The following DUSP16 variants were observed in gnomAD, a reference collection of about 807,000 sequenced individuals.
DUSP16 encodes dual specificity protein phosphatase 16.
DUSP16 carries 21 observed loss-of-function variants against 58.3 expected under a neutral mutation model. That is an observed-to-expected ratio of 0.36 (90% CI 0.26 to 0.52). DUSP16 has a LOEUF of 0.52. DUSP16 is among the 20% of genes least tolerant of loss of function. The pLI, the probability that DUSP16 is intolerant of heterozygous loss-of-function variation, is 0.94. For missense variants in DUSP16, 726 were observed against 819.0 expected (o/e 0.89, Z 1.39); for synonymous variants, 320 against 323.8 (o/e 0.99, Z 0.12).
At chr12:12,512,879 A>G (rs1352401648) in intron 3 of DUSP16, among the ~76,000 whole-genome samples, 2 of 152,200 alleles carry the variant, frequency 1.3e-5, no homozygotes, top group East Asian at 1.9e-4. Flanking sequence ...CTCCAGACAA[A>G]GGAGAAGAAA....
intron 4 of DUSP16, among the ~76,000 whole-genome samples, chr12:12,489,428 T>C (rs1000070796): frequency 3.9e-5 from 6 of 152,250 alleles, no homozygotes; most frequent in African/African-American, 1.4e-4. Flanking sequence ...GGATCACTCA[T>C]GTAAGAACAG....
At chr12:12,539,854 C>A (rs1000002329) in intron 1 of DUSP16, among the ~76,000 whole-genome samples, 20 of 151,660 alleles carry the variant, frequency 1.3e-4, no homozygotes, top group Admixed American at 4.6e-4. Flanking sequence ...AGTTCAAGAC[C>A]AGCCTGACCA....
chr12:12,477,074 T>G lies in DUSP16; in HGVS notation c.1757A>C (p.Gln586Pro), dbSNP rs1490902737. Residue 586 changes from glutamine (Q) to proline (P), a missense_variant, in exon 7 of 7, where the codon CAG becomes CCG. Physicochemically the swap from Gln to Pro is moderately conservative, Grantham distance 76. Transcript: ENST00000298573. The surrounding 1 kb of genome is among the most constrained non-coding windows in gnomAD (Gnocchi z 4.1). Reference sequence around the variant, plus strand: ...GACTTGGTCTCCGCAAGTGGGCAGCTGGCTGCAGCTGTAGGCAGAGTAACT... The same window carrying G: ...GACTTGGTCTCCGCAAGTGGGCAGCGGGCTGCAGCTGTAGGCAGAGTAACT... ...SASYSAYSCS[Q>P]LPTCGDQVYS... 6.2e-7 allele frequency: 1 copy of G among 1,614,264 alleles called. No homozygotes were observed. The highest frequency in any genetic ancestry group is 8.5e-7 in the Non-Finnish European group (1 of 1,180,050).
At chr12:12,496,895 C>T (rs1414677421) in intron 4 of DUSP16, among the ~76,000 whole-genome samples, 4 of 152,188 alleles carry the variant, frequency 2.6e-5, no homozygotes, top group African/African-American at 4.8e-5. Flanking sequence ...TTTTTGGTAC[C>T]GATGACCTCT....
At chr12:12,535,136 AGGAC>A (rs1246510986) in intron 1 of DUSP16, among the ~76,000 whole-genome samples, 2 of 152,236 alleles carry the variant, frequency 1.3e-5, no homozygotes, top group Non-Finnish European at 2.9e-5. Context: ...CTGGCACATT[AGGAC>A]GGACACCTGT....
At chr12:12,525,731 TACACACACAC>T (rs35552389) in intron 1 of DUSP16, among the ~76,000 whole-genome samples, 53 of 146,080 alleles carry the variant, frequency 3.6e-4, no homozygotes, top group African/African-American at 1.0e-4. Context: ...AATATATGTA[TACACACACAC>T]ACACACACAC....
At chr12:12,483,714 G>A (rs1016623147) in intron 5 of DUSP16, among the ~76,000 whole-genome samples, 1 of 151,968 alleles carries the variant, frequency 6.6e-6, no homozygotes, top group African/African-American at 2.4e-5. Flanking sequence ...TGGGTTTGGG[G>A]GCACCTCATG....
chr12:12,549,073 A>G (rs1301549911), intron 1 of DUSP16, among the ~76,000 whole-genome samples: 2 of 152,184 alleles, frequency 1.3e-5, no homozygotes, highest in Non-Finnish European at 2.9e-5. Flanking sequence ...TAAAAATACA[A>G]TTAGTCTTTC....
Position 12,507,862 on chromosome 12 carries a change from G to A in DUSP16, c.368-7180C>T, listed in dbSNP as rs1944021617. ...AACCTCAGGTGATCAGCCCGCCTTG[G>A]CCTCCCAAAGCGCTGGGATTACAGG... On this transcript the variant is annotated intron_variant, in intron 3 of 6. Transcript: ENST00000298573. Among the ~76,000 whole-genome samples, 9 of 152,328 alleles carry A rather than the reference G, an allele frequency of 5.9e-5. No homozygotes were observed. In the South Asian group the frequency reaches 1.9e-3, roughly 32 times the overall value.
At chr12:12,512,335 T>G (rs1266481633) in intron 3 of DUSP16, among the ~76,000 whole-genome samples, 1 of 152,180 alleles carries the variant, frequency 6.6e-6, no homozygotes, top group African/African-American at 2.4e-5. Context: ...TTTGTTGTGG[T>G]GAGAACACTT....
At position 12,480,243 on chromosome 12, in the gene DUSP16, C is replaced by T. The variant is rs986035848; in HGVS notation, c.795G>A (p.Met265Ile). The T allele has an allele frequency of 1.2e-6, 2 of 1,614,136 alleles. No homozygotes were observed. Among genetic ancestry groups the T allele is most frequent in the Non-Finnish European group, 1.7e-6 (2 of 1,180,014 alleles). The stretch of plus-strand genomic sequence containing the variant: ...CTCACCTGTAAGCTTCATCTAAAGA[C>T]ATGTCCATCCTCTTCATGATGTAGG... ...AIAYIMKRMD[M>I]SLDEAYRFVK... Residue 265 changes from methionine (M) to isoleucine (I), a missense_variant, in exon 6 of 7, where the codon ATG (methionine) becomes ATA (isoleucine). Physicochemically the swap from Met to Ile is conservative, Grantham distance 10 (BLOSUM62 1). Coordinates refer to ENST00000298573, the MANE Select transcript of DUSP16 (RefSeq NM_030640.3).
At chr12:12,530,470 G>T (rs1452075578) in intron 1 of DUSP16, among the ~76,000 whole-genome samples, 3 of 152,124 alleles carry the variant, frequency 2.0e-5, no homozygotes, top group African/African-American at 7.2e-5. Flanking sequence ...TCTTCACTCT[G>T]TTGACTGTTT....
At position 12,536,995 on chromosome 12, in the gene DUSP16, C is replaced by T. The variant is rs534944583; in HGVS notation, c.-365-15532G>A. On this transcript the variant is annotated intron_variant, in intron 1 of 6. Transcript: ENST00000298573. Reference sequence around the variant, plus strand: ...TGGAGGTTGCGGTGGGCCAAGATCACGCCACTGCACTCTATCTAGCCTGGG... The same window carrying T: ...TGGAGGTTGCGGTGGGCCAAGATCATGCCACTGCACTCTATCTAGCCTGGG... 1.4e-4 allele frequency among the ~76,000 whole-genome samples: 21 copies of T among 151,780 alleles called. 1 individual carries two copies. The highest frequency in any genetic ancestry group is 9.8e-4 in the Admixed American group (15 of 15,268).
chr12:12,553,657 C>T (rs1944765934), intron 1 of DUSP16, among the ~76,000 whole-genome samples: 1 of 152,110 alleles, frequency 6.6e-6, no homozygotes, highest in African/African-American at 2.4e-5. Context: ...ATCCTCCTAC[C>T]TGAGCCCCAC....
chr12:12,490,106 C>G (rs1229833963), intron 4 of DUSP16, among the ~76,000 whole-genome samples: 1 of 152,152 alleles, frequency 6.6e-6, no homozygotes, highest in African/African-American at 2.4e-5. Context: ...TTTGTAGAGA[C>G]AGGGTCTCGC....
rs750179650 is a variant in DUSP16, at chr12:12,519,948, T to A, written c.281A>T (p.Asp94Val). 1 of 1,614,088 alleles carries A rather than the reference T, an allele frequency of 6.2e-7. No individual in the cohort carries two copies. Among genetic ancestry groups the A allele is most frequent in the Non-Finnish European group, 8.5e-7 (1 of 1,179,968 alleles). Residue 94 changes from aspartate (D) to valine (V), a missense_variant, in exon 3 of 7, where the codon GAT becomes GTT. Transcript: ENST00000298573. ...KVVVYDQSSQ[D>V]VASLSSDCFL... ...ACAGTCTGAAGAGAGAGAGGCAACATCTTGGGAGCTTTGATCGTAAACTAC... is the reference window on the plus strand; with the variant it reads ...ACAGTCTGAAGAGAGAGAGGCAACAACTTGGGAGCTTTGATCGTAAACTAC...
intron 5 of DUSP16, among the ~76,000 whole-genome samples, chr12:12,484,836 C>A (rs143343738): frequency 6.6e-6 from 1 of 152,080 alleles, no homozygotes; most frequent in Non-Finnish European, 1.5e-5. Context: ...TCGCAAACTC[C>A]AGCAACCTCA....
Position 12,536,711 on chromosome 12 carries a change from A to C in DUSP16, c.-365-15248T>G, listed in dbSNP as rs530936505. Among the ~76,000 whole-genome samples the C allele has an allele frequency of 2.6e-5, 4 of 152,080 alleles. No homozygotes were observed. In the South Asian group the frequency reaches 8.3e-4, roughly 32 times the overall value. ...AGTGAGCCAAGATCGCTGCCATTGCAATCCAGCCTGGGCAACAAGAACGAA... is the reference window on the plus strand; with the variant it reads ...AGTGAGCCAAGATCGCTGCCATTGCCATCCAGCCTGGGCAACAAGAACGAA... On this transcript the variant is annotated intron_variant, in intron 1 of 6. Coordinates refer to ENST00000298573, the MANE Select transcript of DUSP16 (RefSeq NM_030640.3).
intron 1 of DUSP16, among the ~76,000 whole-genome samples, chr12:12,552,790 C>T (rs554572482): frequency 1.6e-4 from 24 of 151,718 alleles, no homozygotes; most frequent in Non-Finnish European, 2.8e-4. Context: ...GTTTTTTCTT[C>T]TTTTTTTTGA....
Sources: gnomAD v4.1 joint callset for allele counts (sites outside exome capture counted in the v4.1 genomes callset) on GRCh38, gnomAD v4.1.1 for gene constraint, Gnocchi (gnomAD v3.1) non-coding constraint, MANE v1.5 for transcripts, NCBI Gene and HGNC (gene_info 2026-07-23, HGNC 2026-07-21) for gene names.